Variants in SORCS2 observed in about 807,000 individuals in gnomAD.
SORCS2 encodes the protein sortilin related VPS10 domain containing receptor 2, also known as VPS10 domain-containing receptor SorCS2.
SORCS2 carries 100 observed loss-of-function variants against 141.6 expected under a neutral mutation model. That is an observed-to-expected ratio of 0.71 (90% confidence interval 0.60 to 0.83). The LOEUF (loss-of-function observed/expected upper bound fraction) is 0.83, where lower values mean the gene tolerates loss of function less well. Ranked by LOEUF, SORCS2 falls within the 40% of genes least tolerant of loss-of-function variation. SORCS2 has a pLI of 0.00. For synonymous variants in SORCS2, 789 were observed against 676.9 expected, an observed-to-expected ratio of 1.17 and a Z score of -2.57; for missense variants, 1,646 against 1,560.2, an observed-to-expected ratio of 1.05 and a Z score of -0.93.
At position 7,196,958 on chromosome 4, in the gene SORCS2, C is replaced by T. The variant is rs536620761; in HGVS notation, c.480+3832C>T. ...TTCCATCATGACATCTGCCAGGTGT[C>T]GAGTTCCTGGAGGGCAGGTGAATTC... On this transcript the variant is annotated intron_variant, in intron 1 of 26. Transcript: ENST00000507866. 3.9e-5 allele frequency among the ~76,000 whole-genome samples: 6 copies of T among 152,286 alleles called. No individual in the cohort carries two copies. In the South Asian group the frequency reaches 8.3e-4, roughly 21 times the overall value.
intron 2 of SORCS2, among the ~76,000 whole-genome samples, chr4:7,414,196 G>T (rs1725511338): frequency 6.6e-6 from 1 of 152,216 alleles, no homozygotes; most frequent in Non-Finnish European, 1.5e-5. Context: ...ACTGGGGCCA[G>T]CCAACCAGGA....
chr4:7,735,652 T>C (rs1712104746), intron 25 of SORCS2, among the ~76,000 whole-genome samples: 1 of 152,186 alleles, frequency 6.6e-6, no homozygotes, highest in Non-Finnish European at 1.5e-5. Flanking sequence ...CTGTGGTCTT[T>C]CCCAAGTTCC....
rs555298056 is a variant in SORCS2 at position 7,441,661 on chromosome 4, C to G, written c.548+45306C>G. Among the ~76,000 whole-genome samples, 517 of 151,052 alleles carry G rather than the reference C, an allele frequency of 3.4e-3. 5 individuals carry two copies. Among genetic ancestry groups the G allele is most frequent in the African/African-American group, 0.012 (493 of 40,916 alleles). ...ATCACCATCTACCCCCTCCCCTAGC[C>G]CAGATCACCCTCCACCTCCTGCCCC... On this transcript the variant is annotated intron_variant, in intron 2 of 26. Transcript: ENST00000507866.
chr4:7,321,175 A>G (rs1037254506), intron 1 of SORCS2, among the ~76,000 whole-genome samples: 1 of 152,094 alleles, frequency 6.6e-6, no homozygotes, highest in Non-Finnish European at 1.5e-5. Flanking sequence ...GCTCCCATTT[A>G]TAAGTGAGAA....
At chr4:7,273,417 G>C (rs1715270705) in intron 1 of SORCS2, among the ~76,000 whole-genome samples, 1 of 152,146 alleles carries the variant, frequency 6.6e-6, no homozygotes, top group Non-Finnish European at 1.5e-5. Context: ...ATCCATCATT[G>C]CTGGAGGGCT....
At chr4:7,372,479 T>C (rs1722320983) in intron 1 of SORCS2, among the ~76,000 whole-genome samples, 1 of 152,080 alleles carries the variant, frequency 6.6e-6, no homozygotes. Context: ...GCTAATTTTT[T>C]GTATTTTCAG....
chr4:7,724,302 CA>C (rs1560113377), intron 19 of SORCS2, among the ~76,000 whole-genome samples: 1 of 70,954 alleles, frequency 1.4e-5, no homozygotes, highest in Non-Finnish European at 2.5e-5. Flanking sequence ...ATAATGGTGA[CA>C]ATGGTGGTGG....
At chr4:7,650,350 G>A (rs1398448369) in intron 4 of SORCS2, among the ~76,000 whole-genome samples, 1 of 152,236 alleles carries the variant, frequency 6.6e-6, no homozygotes, top group Non-Finnish European at 1.5e-5. Context: ...TTATCAGGCG[G>A]TGATCGCGAC....
chr4:7,739,771 C>T (rs1441200697), intron 26 of SORCS2, among the ~76,000 whole-genome samples: 1 of 152,172 alleles, frequency 6.6e-6, no homozygotes, highest in Admixed American at 6.5e-5. Context: ...CCCGGCTCAC[C>T]CCTTGGCACT....
intron 1 of SORCS2, among the ~76,000 whole-genome samples, chr4:7,336,077 G>A (rs1719965648): frequency 6.6e-6 from 1 of 152,232 alleles, no homozygotes; most frequent in African/African-American, 2.4e-5. Context: ...TGCCCTCCTG[G>A]AGTGTCAGGT....
chr4:7,419,909 GGGTATTCCTAGCCA>G, intron 2 of SORCS2, among the ~76,000 whole-genome samples: 1 of 152,324 alleles, frequency 6.6e-6, no homozygotes, highest in South Asian at 2.1e-4. Context: ...GGTCCAATGT[GGGTATTCCTAGCCA>G]GGTGCTTCCT....
intron 2 of SORCS2, among the ~76,000 whole-genome samples, chr4:7,399,906 G>A (rs144661985): frequency 6.6e-6 from 1 of 152,178 alleles, no homozygotes; most frequent in African/African-American, 2.4e-5. Context: ...CAGACTCCAC[G>A]GGCACTCGAA....
At chr4:7,217,260 C>A (rs1423006711) in intron 1 of SORCS2, among the ~76,000 whole-genome samples, 3 of 152,200 alleles carry the variant, frequency 2.0e-5, no homozygotes, top group Non-Finnish European at 4.4e-5. Context: ...CACTGCCACC[C>A]CTCCATGAGA....
At chr4:7,497,374 C>T (rs1419301804) in intron 2 of SORCS2, among the ~76,000 whole-genome samples, 2 of 152,212 alleles carry the variant, frequency 1.3e-5, no homozygotes, top group Non-Finnish European at 2.9e-5. Context: ...ATGTGGGAGA[C>T]TTGTCCAGGG....
chr4:7,468,283 T>A, intron 2 of SORCS2, among the ~76,000 whole-genome samples: 1 of 152,178 alleles, frequency 6.6e-6, no homozygotes, highest in East Asian at 1.9e-4. Context: ...TCGTCATGGG[T>A]CGCAACCTTG....
intron 2 of SORCS2, among the ~76,000 whole-genome samples, chr4:7,504,491 T>G (rs577266147): frequency 6.8e-6 from 1 of 146,844 alleles, no homozygotes; most frequent in East Asian, 2.0e-4. Flanking sequence ...ATCCTGCTCA[T>G]TTTATGAGCT....
intron 2 of SORCS2, among the ~76,000 whole-genome samples, chr4:7,418,142 G>GT (rs1725816178): frequency 6.6e-6 from 1 of 151,944 alleles, no homozygotes; most frequent in Admixed American, 6.6e-5. Flanking sequence ...TTTTTTCTGA[G>GT]TTTTTCTGAG....
At chr4:7,290,486 C>A (rs1716529646) in intron 1 of SORCS2, among the ~76,000 whole-genome samples, 1 of 152,188 alleles carries the variant, frequency 6.6e-6, no homozygotes, top group Non-Finnish European at 1.5e-5. Flanking sequence ...TTTCTCCCTT[C>A]CCCATGCTGC....
chr4:7,619,319 C>T (rs1449192805), intron 3 of SORCS2, among the ~76,000 whole-genome samples: 1 of 152,224 alleles, frequency 6.6e-6, no homozygotes, highest in African/African-American at 2.4e-5. Context: ...TAGGGCAAGG[C>T]ATCTTGGAGC....
Sources: allele counts gnomAD v4.1 joint callset (sites outside exome capture counted in the v4.1 genomes callset), GRCh38; gene constraint gnomAD v4.1.1; transcripts MANE v1.5; gene names NCBI Gene and HGNC (gene_info 2026-07-23, HGNC 2026-07-21).